Variants in NTNG1 observed in about 807,000 individuals in gnomAD.
The protein encoded by NTNG1 is netrin G1.
A neutral mutation model predicts 54.0 loss-of-function variants in NTNG1; 16 were observed. The observed-to-expected ratio is 0.30, with a 90% confidence interval of 0.20 to 0.45. The LOEUF (loss-of-function observed/expected upper bound fraction) is 0.45, where lower values mean the gene tolerates loss of function less well. Among genes scored for constraint, NTNG1 ranks in the 20% least tolerant of loss-of-function variants. The probability of loss-of-function intolerance (pLI) is 1.00; values close to 1 mark genes in which losing one functional copy is unlikely to be tolerated. For missense variants in NTNG1, 530 were observed against 678.7 expected (o/e 0.78, Z 2.43); for synonymous variants, 255 against 263.1 (o/e 0.97, Z 0.30).
chr1:107,249,536 T>G (rs1662448165), intron 2 of NTNG1, among the ~76,000 whole-genome samples: 1 of 152,062 alleles, frequency 6.6e-6, no homozygotes, highest in Non-Finnish European at 1.5e-5. Flanking sequence ...ATTTGGACAT[T>G]ATGTCTAAGA....
intron 2 of NTNG1, among the ~76,000 whole-genome samples, chr1:107,197,868 A>C (rs1162595531): frequency 6.6e-6 from 1 of 151,994 alleles, no homozygotes; most frequent in Non-Finnish European, 1.5e-5. Flanking sequence ...GTTATTTTAA[A>C]TCATAAGCTC....
intron 3 of NTNG1, among the ~76,000 whole-genome samples, chr1:107,327,219 G>C (rs1374103653): frequency 2.0e-5 from 3 of 152,108 alleles, no homozygotes; most frequent in Admixed American, 6.6e-5. Context: ...AACTGATGCT[G>C]GCATGTACTG....
At chr1:107,431,648 C>T (rs1224909294) in intron 6 of NTNG1, among the ~76,000 whole-genome samples, 1 of 152,124 alleles carries the variant, frequency 6.6e-6, no homozygotes, top group African/African-American at 2.4e-5. Flanking sequence ...CCCAGAAAAT[C>T]TCCTACCTTT....
chr1:107,295,304 T>C (rs527625344), intron 2 of NTNG1, among the ~76,000 whole-genome samples: 1 of 152,340 alleles, frequency 6.6e-6, no homozygotes, highest in South Asian at 2.1e-4. Context: ...GCTCATTCAT[T>C]GTGGATATAT....
At chr1:107,249,410 G>T (rs1164660341) in intron 2 of NTNG1, among the ~76,000 whole-genome samples, 1 of 151,260 alleles carries the variant, frequency 6.6e-6, no homozygotes, top group Non-Finnish European at 1.5e-5. Context: ...TGAACCTGGG[G>T]TGCGGAGGTT....
chr1:107,350,158 C>T (rs1669515326), intron 3 of NTNG1, among the ~76,000 whole-genome samples: 2 of 152,088 alleles, frequency 1.3e-5, no homozygotes, highest in African/African-American at 2.4e-5. Flanking sequence ...AAGATAGAAG[C>T]TCTAAATGTC....
chr1:107,273,899 C>A (rs953495908), intron 2 of NTNG1, among the ~76,000 whole-genome samples: 2 of 152,128 alleles, frequency 1.3e-5, no homozygotes, highest in Admixed American at 6.5e-5. Flanking sequence ...TTCTTTCTGA[C>A]AATATCTTCT....
intron 2 of NTNG1, among the ~76,000 whole-genome samples, chr1:107,186,611 C>T (rs571264110): frequency 2.0e-5 from 3 of 152,112 alleles, no homozygotes; most frequent in Non-Finnish European, 4.4e-5. Context: ...AAGTAAAGTA[C>T]TAACTCTCCG....
chr1:107,407,752 G>A (rs1673529415), intron 5 of NTNG1, 44 bp downstream of exon 5: 1 of 1,529,318 alleles, frequency 6.5e-7, no homozygotes, highest in Admixed American at 1.7e-5. Context: ...CCAAGTCTAG[G>A]CTAGCTTTGC....
chr1:107,229,428 C>T (rs1660910695), intron 2 of NTNG1, among the ~76,000 whole-genome samples: 1 of 151,420 alleles, frequency 6.6e-6, no homozygotes, highest in African/African-American at 2.4e-5. Flanking sequence ...GAGAATATTC[C>T]TTTGCTGCCC....
chr1:107,419,615 T>C (rs1027647589), intron 5 of NTNG1, among the ~76,000 whole-genome samples: 38 of 127,076 alleles, frequency 3.0e-4, no homozygotes, highest in Non-Finnish European at 7.0e-5. Context: ...TTTGCCTTCT[T>C]CCTTCTTCAA....
In NTNG1 at chr1:107,324,339, C is replaced by A. The variant is rs1036820730; in HGVS notation, c.304C>A (p.Pro102Thr). Residue 102 changes from proline to threonine, a missense_variant, in exon 3 of 8, where the codon CCC becomes ACC. Transcript: ENST00000370068. ...CDASTPELAH[P>T]PELMFDFEGR... is the part of the protein sequence containing the mutation. ...TGCGAGTACCCCTGAGCTGGCACAC[C>A]CCCCTGAGCTGATGTTTGATTTTGA... 11 of 1,613,448 alleles carry A rather than the reference C, an allele frequency of 6.8e-6. No individual in the cohort carries two copies. Among genetic ancestry groups the A allele is most frequent in the Admixed American group, 3.3e-5 (2 of 59,924 alleles).
At chr1:107,434,147 C>G (rs1005495032) in intron 6 of NTNG1, among the ~76,000 whole-genome samples, 5 of 152,296 alleles carry the variant, frequency 3.3e-5, no homozygotes, top group East Asian at 3.9e-4. Context: ...AATTCTTTAA[C>G]AACTGACAAT....
chr1:107,342,779 A>T (rs1668976823), intron 3 of NTNG1, among the ~76,000 whole-genome samples: 1 of 152,042 alleles, frequency 6.6e-6, no homozygotes, highest in Non-Finnish European at 1.5e-5. Flanking sequence ...CTAAAGGCAG[A>T]ATTATCCTAT....
At chr1:107,343,987 AC>A (rs1335757348) in intron 3 of NTNG1, among the ~76,000 whole-genome samples, 1 of 152,096 alleles carries the variant, frequency 6.6e-6, no homozygotes, top group East Asian at 1.9e-4. Flanking sequence ...AAGCTGGAAT[AC>A]TGAATTGGAT....
chr1:107,407,727 A>C lies in NTNG1; in HGVS notation c.1087+19A>C, dbSNP rs1318743610. 3 of 1,590,706 alleles carry C rather than the reference A, an allele frequency of 1.9e-6. No individual in the cohort carries two copies. In the Admixed American group the frequency reaches 5.0e-5, roughly 27 times the overall value. Reference sequence around the variant, plus strand: ...ATTGGTAGTAAGTAAAAACAAAAACAAAAAAAACACCAAACCAAGTCTAGG... The same window carrying C: ...ATTGGTAGTAAGTAAAAACAAAAACCAAAAAAACACCAAACCAAGTCTAGG... On this transcript the variant is annotated intron_variant, in intron 5 of 7. Coordinates refer to ENST00000370068, the MANE Select transcript of NTNG1 (RefSeq NM_001113226.3).
intron 3 of NTNG1, among the ~76,000 whole-genome samples, chr1:107,339,435 A>G (rs1345994854): frequency 1.3e-5 from 2 of 152,134 alleles, no homozygotes; most frequent in Non-Finnish European, 2.9e-5. Context: ...TGTATAACAT[A>G]CACTTAAATG....
chr1:107,301,104 A>G (rs1305000443), intron 2 of NTNG1, among the ~76,000 whole-genome samples: 1 of 152,204 alleles, frequency 6.6e-6, no homozygotes, highest in Non-Finnish European at 1.5e-5. Context: ...GCTGATTTCT[A>G]TACAAAAGAC....
At chr1:107,205,990 A>C (rs557361418) in intron 2 of NTNG1, among the ~76,000 whole-genome samples, 2 of 152,104 alleles carry the variant, frequency 1.3e-5, no homozygotes, top group Non-Finnish European at 2.9e-5. Context: ...GTTCATTCTC[A>C]TTGCTCACTG....
Sources: allele counts gnomAD v4.1 joint callset (sites outside exome capture counted in the v4.1 genomes callset), GRCh38; gene constraint gnomAD v4.1.1; transcripts MANE v1.5; gene names NCBI Gene and HGNC (gene_info 2026-07-23, HGNC 2026-07-21).